The following LRP1B variants were observed in gnomAD, a reference collection of about 807,000 sequenced individuals.
LRP1B encodes LDL receptor related protein 1B, also known as low-density lipoprotein receptor-related protein 1B.
Under a neutral mutation model 556.6 loss-of-function variants are expected in LRP1B, and 217 were observed. The ratio of observed to expected loss-of-function variants is 0.39; its 90% CI spans 0.35 to 0.44. The LOEUF is 0.44. LRP1B is among the 20% of genes least tolerant of loss of function. The pLI is 1.00. For synonymous variants in LRP1B, 2,047 were observed against 1,865.8 expected, an observed-to-expected ratio of 1.10 and a Z score of -2.50; for missense variants, 5,053 against 5,620.8, an observed-to-expected ratio of 0.90 and a Z score of 3.23.
At chr2:141,911,644 C>T (rs1196863608) in intron 1 of LRP1B, among the ~76,000 whole-genome samples, 1 of 152,178 alleles carries the variant, frequency 6.6e-6, no homozygotes, top group Non-Finnish European at 1.5e-5. Context: ...GCTGCTGCTG[C>T]CCTTTGGATC....
At chr2:141,475,111 C>T (rs777730674) in intron 3 of LRP1B, among the ~76,000 whole-genome samples, 5 of 152,072 alleles carry the variant, frequency 3.3e-5, no homozygotes, top group Non-Finnish European at 4.4e-5. Flanking sequence ...TGGTGGCTCA[C>T]GCCTGTAATC....
intron 62 of LRP1B, among the ~76,000 whole-genome samples, chr2:140,453,442 AAT>A (rs374285435): frequency 4.6e-5 from 7 of 152,186 alleles, no homozygotes; most frequent in Non-Finnish European, 1.0e-4. Context: ...ATAAATATAA[AAT>A]AGTCTTCATC....
At chr2:141,890,393 G>GTA (rs1197991875) in intron 1 of LRP1B, among the ~76,000 whole-genome samples, 2,425 of 86,960 alleles carry the variant, frequency 0.028, 46 homozygotes, top group Middle Eastern at 0.088. Flanking sequence ...CATATATAGT[G>GTA]TATATATATA....
intron 51 of LRP1B, 99 bp downstream of exon 51, chr2:140,514,554 G>T: frequency 8.7e-7 from 1 of 1,154,310 alleles, no homozygotes; most frequent in Non-Finnish European, 1.2e-6. Flanking sequence ...TAAATTTTAT[G>T]TTAATTTTAA....
In LRP1B at chr2:140,435,969, C is replaced by T. The variant is rs145319853; in HGVS notation, c.10414+6535G>A. On this transcript the variant is annotated intron_variant, in intron 66 of 90. Transcript: ENST00000389484. ...CTCTCTCTCACATACACACTCTCTT[C>T]CTTTCTCTCTCTCTCTCTCTCACAC... Among the ~76,000 whole-genome samples the T allele has an allele frequency of 3.1e-3, 477 of 151,810 alleles. 2 individuals carry two copies. The highest frequency in any genetic ancestry group is 0.011 in the African/African-American group (448 of 41,436).
At chr2:140,313,654 T>G (rs1259854927) in intron 83 of LRP1B, among the ~76,000 whole-genome samples, 1 of 151,926 alleles carries the variant, frequency 6.6e-6, no homozygotes, top group Non-Finnish European at 1.5e-5. Context: ...TAATTTTTTA[T>G]GAGAAAAACT....
intron 7 of LRP1B, among the ~76,000 whole-genome samples, chr2:141,143,457 TTTAA>T: frequency 6.6e-6 from 1 of 152,194 alleles, no homozygotes; most frequent in East Asian, 1.9e-4. Context: ...GGTTAATTTA[TTTAA>T]TTATTTATTG....
chr2:141,889,715 G>A (rs985871444), intron 1 of LRP1B, among the ~76,000 whole-genome samples: 2 of 152,102 alleles, frequency 1.3e-5, no homozygotes, highest in Non-Finnish European at 2.9e-5. Flanking sequence ...ATGTTGTAAA[G>A]AAGGCATGCC....
At chr2:141,585,910 G>T (rs2105286789) in intron 2 of LRP1B, among the ~76,000 whole-genome samples, 1 of 150,878 alleles carries the variant, frequency 6.6e-6, no homozygotes, top group East Asian at 2.0e-4. Context: ...TAAGACGAGG[G>T]TCTCGCTATC....
intron 1 of LRP1B, among the ~76,000 whole-genome samples, chr2:141,928,959 A>G (rs972583436): frequency 6.6e-6 from 1 of 152,010 alleles, no homozygotes; most frequent in African/African-American, 2.4e-5. Context: ...TAACCTGATA[A>G]AAGTATCTTT....
rs192720447 is a variant in LRP1B, at chr2:140,783,831, G to T, written c.5360-7593C>A. On this transcript the variant is annotated intron_variant, in intron 32 of 90. Coordinates refer to ENST00000389484, the MANE Select transcript of LRP1B (RefSeq NM_018557.3). The stretch of plus-strand genomic sequence containing the variant: ...GAAAGATTAGAAATTCACCCAAAAG[G>T]ATTACCCCCCAGGACACTGAGAAGA... Among the ~76,000 whole-genome samples the T allele has an allele frequency of 1.5e-4, 23 of 152,242 alleles. No individual in the cohort carries two copies. In the East Asian group the frequency reaches 4.4e-3, roughly 29 times the overall value.
chr2:141,677,332 T>C (rs1690922979), intron 2 of LRP1B, among the ~76,000 whole-genome samples: 1 of 152,046 alleles, frequency 6.6e-6, no homozygotes, highest in Non-Finnish European at 1.5e-5. Context: ...GGCAAGAAAA[T>C]TATGTTAAAC....
intron 3 of LRP1B, among the ~76,000 whole-genome samples, chr2:141,378,131 T>C (rs887909188): frequency 5.3e-5 from 8 of 152,106 alleles, no homozygotes; most frequent in Non-Finnish European, 1.0e-4. Flanking sequence ...AAAGAAAACC[T>C]TGAAGAAAGG....
intron 20 of LRP1B, among the ~76,000 whole-genome samples, chr2:140,941,884 A>G (rs1191269027): frequency 6.6e-6 from 1 of 152,192 alleles, no homozygotes; most frequent in African/African-American, 2.4e-5. Context: ...ATTCAAAGAG[A>G]CAGAGTGTTT....
Position 140,261,842 on chromosome 2 carries a change from A to G in LRP1B, c.13247+8400T>C, listed in dbSNP as rs111246304. Reference sequence around the variant, plus strand: ...GTAGATAATACTAGGAAATGTGGATATTGTAAGAAATTCTCAGAATTGCTG... The same window carrying G: ...GTAGATAATACTAGGAAATGTGGATGTTGTAAGAAATTCTCAGAATTGCTG... On this transcript the variant is annotated intron_variant, in intron 86 of 90. Coordinates refer to ENST00000389484, the MANE Select transcript of LRP1B (RefSeq NM_018557.3). Among the ~76,000 whole-genome samples the G allele has an allele frequency of 1.8e-4, 27 of 152,164 alleles. 2 individuals are homozygous for G. The highest frequency in any genetic ancestry group is 5.8e-4 in the African/African-American group (24 of 41,570).
At chr2:141,027,097 T>C (rs540898104) in intron 11 of LRP1B, among the ~76,000 whole-genome samples, 2 of 152,064 alleles carry the variant, frequency 1.3e-5, no homozygotes, top group East Asian at 1.9e-4. Flanking sequence ...AAAGTTTCCT[T>C]GGAAGAAGGA....
At chr2:140,272,420 TCAC>T (rs1218035090) in intron 85 of LRP1B, among the ~76,000 whole-genome samples, 6 of 152,052 alleles carry the variant, frequency 3.9e-5, no homozygotes, top group African/African-American at 1.4e-4. Flanking sequence ...AAGTCTTTCT[TCAC>T]CAGTATTCAC....
At chr2:140,240,436 G>T (rs1195953545) in intron 87 of LRP1B, among the ~76,000 whole-genome samples, 4 of 150,746 alleles carry the variant, frequency 2.7e-5, no homozygotes, top group Middle Eastern at 6.8e-3. Context: ...TACTAGATTA[G>T]CAATAGGGTA....
chr2:140,339,972 ACTT>A (rs1681289601), intron 77 of LRP1B, among the ~76,000 whole-genome samples: 2 of 151,636 alleles, frequency 1.3e-5, no homozygotes, highest in Admixed American at 1.3e-4. Flanking sequence ...CTTGGAATAA[ACTT>A]CTATTAGACG....
Sources: allele counts gnomAD v4.1 joint callset (sites outside exome capture counted in the v4.1 genomes callset), GRCh38; gene constraint gnomAD v4.1.1; transcripts MANE v1.5; gene names NCBI Gene and HGNC (gene_info 2026-07-23, HGNC 2026-07-21).